The following TLE4 variants were observed in gnomAD, a reference collection of about 807,000 sequenced individuals.
The protein encoded by TLE4 is TLE family member 4, transcriptional corepressor.
Under a neutral mutation model 92.8 loss-of-function variants are expected in TLE4, and 8 were observed. The ratio of observed to expected loss-of-function variants is 0.09; its 90% CI spans 0.05 to 0.16. The LOEUF is 0.16. Ranked by LOEUF, TLE4 falls within the 10% of genes least tolerant of loss-of-function variation. The pLI is 1.00. For synonymous variants in TLE4, 371 were observed against 374.1 expected, an observed-to-expected ratio of 0.99 and a Z score of 0.10; for missense variants, 675 against 997.6, an observed-to-expected ratio of 0.68 and a Z score of 4.36.
intron 8 of TLE4, among the ~76,000 whole-genome samples, chr9:79,665,847 A>G (rs984873890): frequency 6.6e-6 from 1 of 152,074 alleles, no homozygotes; most frequent in Non-Finnish European, 1.5e-5. Flanking sequence ...CTCTGATGAT[A>G]TTTTCTTCTT....
chr9:79,586,880 G>A (rs2041241315), intron 4 of TLE4, among the ~76,000 whole-genome samples: 1 of 152,010 alleles, frequency 6.6e-6, no homozygotes, highest in South Asian at 2.1e-4. Flanking sequence ...TTTTGATACC[G>A]GCATATAGCA....
intron 4 of TLE4, among the ~76,000 whole-genome samples, chr9:79,608,136 T>G (rs2047529681): frequency 1.3e-5 from 2 of 152,070 alleles, no homozygotes; most frequent in South Asian, 4.1e-4. Context: ...AGATTAGTTT[T>G]ATGTGTTACA....
In TLE4 at chr9:79,721,827, C is replaced by T. The variant is rs747324867; in HGVS notation, c.1925C>T (p.Thr642Met). Residue 642 changes from threonine to methionine, a missense_variant, in exon 17 of 20, where the codon ACG (threonine) becomes ATG (methionine). Physicochemically the swap from Thr to Met is moderately conservative, Grantham distance 81. This residue lies in a region of TLE4 where 170 missense variants were observed against 359.6 expected (regional missense o/e 0.47). Coordinates refer to ENST00000376552, the MANE Select transcript of TLE4 (RefSeq NM_007005.6). ...CTCTGGACAGGTGGTTTGGACAACA[C>T]GGTCAGGTCCTGGGACCTGCGCGAG... Reference protein sequence around the residue: ...TKLWTGGLDNTVRSWDLREGR... With the variant: ...TKLWTGGLDNMVRSWDLREGR... 4 of 1,614,066 alleles carry T rather than the reference C, an allele frequency of 2.5e-6. No individual in the cohort carries two copies. The highest frequency in any genetic ancestry group is 3.4e-6 in the Non-Finnish European group (4 of 1,180,044).
In TLE4 at chr9:79,612,711, C is replaced by T. The variant is rs757549536; in HGVS notation, c.308C>T (p.Ser103Phe). Reference protein sequence around the residue: ...AICAQVIPFLSQEHQQQVVQA... With the variant: ...AICAQVIPFLFQEHQQQVVQA... Reference sequence around the variant, plus strand: ...TGTGCACAAGTCATTCCTTTCCTGTCCCAAGAGGTAAGGTAGTTGATTTTA... The same window carrying T: ...TGTGCACAAGTCATTCCTTTCCTGTTCCAAGAGGTAAGGTAGTTGATTTTA... The change falls in exon 5 of 20, where the codon TCC becomes TTC. Residue 103 changes from serine (S) to phenylalanine (F), a missense_variant. By Grantham distance (155) the Ser-to-Phe change is radical. This residue lies in a region of TLE4 where 68 missense variants were observed against 141.2 expected (regional missense o/e 0.48). Coordinates refer to ENST00000376552, the MANE Select transcript of TLE4 (RefSeq NM_007005.6). The T allele has an allele frequency of 6.2e-7, 1 of 1,612,796 alleles. No homozygotes were observed. Among genetic ancestry groups the T allele is most frequent in the Non-Finnish European group, 8.5e-7 (1 of 1,179,244 alleles).
chr9:79,640,166 G>A (rs1279132327), intron 6 of TLE4, among the ~76,000 whole-genome samples: 2 of 152,074 alleles, frequency 1.3e-5, no homozygotes, highest in East Asian at 3.9e-4. Flanking sequence ...CTCAGATGGG[G>A]CAGAAGAGAG....
chr9:79,602,651 T>C (rs549694073), intron 4 of TLE4, among the ~76,000 whole-genome samples: 1 of 152,320 alleles, frequency 6.6e-6, no homozygotes, highest in South Asian at 2.1e-4. Flanking sequence ...TGCCTATTAA[T>C]GGTGTACCTA....
intron 8 of TLE4, among the ~76,000 whole-genome samples, chr9:79,678,536 G>A (rs2063728970): frequency 6.6e-6 from 1 of 151,884 alleles, no homozygotes; most frequent in African/African-American, 2.4e-5. Flanking sequence ...TACACAGTCA[G>A]TAATTCTCAT....
At chr9:79,694,910 C>T (rs545328521) in intron 8 of TLE4, among the ~76,000 whole-genome samples, 35 of 152,184 alleles carry the variant, frequency 2.3e-4, no homozygotes, top group African/African-American at 7.2e-4. Flanking sequence ...ACTGCTGATG[C>T]GTGCATTCTT....
chr9:79,682,884 G>T (rs2065018051), intron 8 of TLE4, among the ~76,000 whole-genome samples: 1 of 152,160 alleles, frequency 6.6e-6, no homozygotes, highest in African/African-American at 2.4e-5. Flanking sequence ...TATGATCGTT[G>T]TGGTGACAGT....
chr9:79,593,627 G>A (rs2043225389), intron 4 of TLE4, among the ~76,000 whole-genome samples: 1 of 152,124 alleles, frequency 6.6e-6, no homozygotes, highest in African/African-American at 2.4e-5. Flanking sequence ...ACAATATTCA[G>A]TGAATTTTAG....
At chr9:79,578,594 C>T (rs2038686711) in intron 4 of TLE4, among the ~76,000 whole-genome samples, 1 of 152,126 alleles carries the variant, frequency 6.6e-6, no homozygotes. Flanking sequence ...TGGTGCTCAT[C>T]ATCAGTCCCC....
chr9:79,608,500 A>T (rs967634542), intron 4 of TLE4, among the ~76,000 whole-genome samples: 8 of 152,196 alleles, frequency 5.3e-5, no homozygotes, highest in Non-Finnish European at 1.2e-4. Context: ...TCACCTTTTT[A>T]AAAAATGTTG....
intron 4 of TLE4, among the ~76,000 whole-genome samples, chr9:79,579,692 G>T (rs977133098): frequency 5.9e-5 from 9 of 151,884 alleles, no homozygotes; most frequent in Admixed American, 1.3e-4. Context: ...ATATATATAT[G>T]TATATTTAAT....
chr9:79,635,843 C>G (rs1422950918), intron 6 of TLE4, among the ~76,000 whole-genome samples: 1 of 152,136 alleles, frequency 6.6e-6, no homozygotes, highest in East Asian at 1.9e-4. Flanking sequence ...CTTTGCAGTA[C>G]TCCTCAGCAC....
At chr9:79,602,478 A>G (rs1422871161) in intron 4 of TLE4, among the ~76,000 whole-genome samples, 1 of 152,196 alleles carries the variant, frequency 6.6e-6, no homozygotes, top group East Asian at 1.9e-4. Context: ...CAAAAATCCT[A>G]GCGCCTCTAA....
rs2075367825 is a variant in TLE4 at position 79,720,374 on chromosome 9, AT to A, written c.1838+82del. 1.4e-5 allele frequency: 17 copies of A among 1,174,570 alleles called. No homozygotes were observed. The South Asian group carries it at 2.3e-4, about 16-fold the overall frequency. 72.8% of individuals were successfully genotyped at this position (1,174,570 alleles called of 1,614,324 possible). A position where few individuals can be genotyped will look rare whatever the true frequency, so the allele number is the denominator to read the frequency against. On this transcript the variant is annotated intron_variant, in intron 16 of 19. Transcript: ENST00000376552. ...TTGCCAAAGTGCTGTGTATATAGGT[AT>A]GGGTGTGTGTGTGTGTGTGTGTGTG...
At chr9:79,646,019 A>G (rs1255795883) in intron 6 of TLE4, among the ~76,000 whole-genome samples, 1 of 151,994 alleles carries the variant, frequency 6.6e-6, no homozygotes, top group Non-Finnish European at 1.5e-5. Context: ...ACTCTAGTCT[A>G]TGCCCTCTTT....
chr9:79,632,499 A>T (rs1435944502), intron 6 of TLE4, among the ~76,000 whole-genome samples: 1 of 152,142 alleles, frequency 6.6e-6, no homozygotes, highest in Non-Finnish European at 1.5e-5. Context: ...ATTTGATTTC[A>T]TAGGCCTCAA....
At position 79,652,813 on chromosome 9, in the gene TLE4, A is replaced by G; in HGVS notation, c.592+19A>G. ...CAAAGAGGTGAGTAACTCTCTTGGA[A>G]TGCCAATCTGAGATGACCTACTTGC... On this transcript the variant is annotated intron_variant, in intron 7 of 19. Transcript: ENST00000376552. 6.2e-7 allele frequency: 1 copy of G among 1,612,710 alleles called. No individual in the cohort carries two copies. The highest frequency in any genetic ancestry group is 8.5e-7 in the Non-Finnish European group (1 of 1,178,814).
Sources: allele counts gnomAD v4.1 joint callset (sites outside exome capture counted in the v4.1 genomes callset), GRCh38; gene constraint gnomAD v4.1.1; regional missense constraint gnomAD v4.1.1; transcripts MANE v1.5; gene names NCBI Gene and HGNC (gene_info 2026-07-23, HGNC 2026-07-21).